The following BTK variants were observed in gnomAD, a reference collection of about 807,000 sequenced individuals.
The protein encoded by BTK is Bruton tyrosine kinase.
In BTK, 5 loss-of-function variants were observed where a neutral mutation model predicts 57.4. The ratio of observed to expected loss-of-function variants is 0.09; its 90% CI spans 0.05 to 0.18. The LOEUF is 0.18. Ranked by LOEUF, BTK falls within the 10% of genes least tolerant of loss-of-function variation. The pLI, the probability that BTK is intolerant of heterozygous loss-of-function variation, is 1.00. For missense variants in BTK, 194 were observed against 501.2 expected (o/e 0.39, Z 5.85); for synonymous variants, 154 against 174.3 (o/e 0.88, Z 0.92).
chrX:101,362,109 T>C, intron 7 of BTK, 64 bp downstream of exon 7: 1 of 1,076,938 alleles, frequency 9.3e-7, no homozygotes, highest in Non-Finnish European at 1.3e-6. Context: ...GACTCTAGTG[T>C]GTTCTTAGGG....
intron 18 of BTK, among the ~76,000 whole-genome samples, chrX:101,351,700 G>T (rs782225052): frequency 5.7e-4 from 64 of 111,614 alleles, no homozygotes; most frequent in African/African-American, 1.9e-3. Flanking sequence ...AAGAACTCGA[G>T]GTAAGAGGAG....
rs1555978875 is a variant in BTK at position 101,362,602 on chromosome X, T to C, written c.479A>G (p.Lys160Arg). ...GQYLCCSQTAKNAMGCQILEN... is the reference protein window; with the variant it reads ...GQYLCCSQTARNAMGCQILEN... ...CAAAATTTGGCAGCCCATAGCATTT[T>C]TGGCTGTCTGAGAGCAGCAGAGATA... The change falls in exon 6 of 19, where the codon AAA (lysine) becomes AGA (arginine). Residue 160 changes from lysine to arginine, a missense_variant. Around this residue, in one of 3 missense-constraint regions of BTK, gnomAD observed 115 missense variants for 258.3 expected, o/e 0.45. Coordinates refer to ENST00000308731, the MANE Select transcript of BTK (RefSeq NM_000061.3). The C allele has an allele frequency of 8.2e-7, 1 of 1,212,218 alleles. No individual in the cohort carries two copies. The highest frequency in any genetic ancestry group is 1.1e-6 in the Non-Finnish European group (1 of 895,590).
In BTK at chrX:101,364,067, T is replaced by A. The variant is rs368277100; in HGVS notation, c.392-1378A>T. 6.5e-5 allele frequency among the ~76,000 whole-genome samples: 7 copies of A among 107,760 alleles called. No individual in the cohort carries two copies. The East Asian group carries it at 1.5e-3, about 22-fold the overall frequency. 93.6% of individuals were successfully genotyped at this position (107,760 alleles called of 115,157 possible). A position where few individuals can be genotyped will look rare whatever the true frequency, so the allele number is the denominator to read the frequency against. On this transcript the variant is annotated intron_variant, in intron 5 of 18. Transcript: ENST00000308731. ...CACCAGGTCCAGTGGCTGGCATAACTTTTTTTAAAAAAGACAAAAACAAAA... is the reference window on the plus strand; with the variant it reads ...CACCAGGTCCAGTGGCTGGCATAACATTTTTTAAAAAAGACAAAAACAAAA...
At chrX:101,366,401 T>A (rs1353418803) in intron 5 of BTK, among the ~76,000 whole-genome samples, 1 of 112,307 alleles carries the variant, frequency 8.9e-6, no homozygotes, top group African/African-American at 3.2e-5. Flanking sequence ...CAGCACCTCA[T>A]GCCTCTTCAG....
At chrX:101,353,029 G>T (rs929691135) in intron 18 of BTK, 165 bp downstream of exon 18, 5 of 498,829 alleles carry the variant, frequency 1.0e-5, no homozygotes, top group Non-Finnish European at 1.6e-5. Flanking sequence ...TCGCGCCACT[G>T]TACTCCAACC....
chrX:101,358,904 G>A (rs1249652030), intron 10 of BTK, among the ~76,000 whole-genome samples: 1 of 111,749 alleles, frequency 8.9e-6, no homozygotes, highest in African/African-American at 3.3e-5. Context: ...TTGGGAGGCC[G>A]AGGTGGGCGG....
chrX:101,374,526 CTCT>C lies in BTK; in HGVS notation c.240+7_240+9del. On this transcript the variant is annotated splice_region_variant and intron_variant, in intron 3 of 18. Transcript: ENST00000308731. ...GCTGTTCCCCATCTCAGACATTGGT[CTCT>C]TCTTACCGGAATCTGTCTTTCTGGA... is the stretch of plus-strand genomic sequence containing the variant. 8.4e-7 allele frequency: 1 copy of C among 1,195,641 alleles called. No individual in the cohort carries two copies. Among genetic ancestry groups the C allele is most frequent in the Non-Finnish European group, 1.1e-6 (1 of 880,789 alleles).
chrX:101,362,866 C>T (rs782447161), intron 5 of BTK, 177 bp from the exon 6 acceptor site: 20 of 591,348 alleles, frequency 3.4e-5, no homozygotes, highest in African/African-American at 1.3e-4. Context: ...CTGACTGTGC[C>T]CTGGTCCCAG....
rs192090244 is a variant in BTK, at chrX:101,373,486, C to G, written c.240+1050G>C. Among the ~76,000 whole-genome samples the G allele has an allele frequency of 3.9e-3, 434 of 111,687 alleles. 2 individuals are homozygous for G. Among genetic ancestry groups the G allele is most frequent in the Middle Eastern group, 0.028 (6 of 212 alleles). ...TATCTATTGTCATGGGGAAAAGTTT[C>G]CCACATATCGTTACATTGAAAAAGT... is the stretch of plus-strand genomic sequence containing the variant. On this transcript the variant is annotated intron_variant, in intron 3 of 18. Coordinates refer to ENST00000308731, the MANE Select transcript of BTK (RefSeq NM_000061.3).
At chrX:101,371,599 G>A (rs371553988) in intron 4 of BTK, 34 bp downstream of exon 4, 423 of 1,150,836 alleles carry the variant, frequency 3.7e-4, no homozygotes, top group Non-Finnish European at 4.4e-4. Flanking sequence ...TGTTACAGGG[G>A]CCTTTCGAGA....
In BTK at chrX:101,350,223, G is replaced by T. The variant is rs144777879; in HGVS notation, c.1909-267C>A. Among the ~76,000 whole-genome samples the T allele has an allele frequency of 7.2e-3, 795 of 110,656 alleles. 5 individuals are homozygous for T. Among genetic ancestry groups the T allele is most frequent in the African/African-American group, 0.025 (753 of 30,489 alleles). ...ACAATCACACTGATCAAAATTGAGG[G>T]CAAGTTCATTATGTAACTGTATACA... On this transcript the variant is annotated intron_variant, in intron 18 of 18. Coordinates refer to ENST00000308731, the MANE Select transcript of BTK (RefSeq NM_000061.3).
chrX:101,370,908 CAAAGG>C (rs1246033019), intron 4 of BTK, among the ~76,000 whole-genome samples: 1 of 112,553 alleles, frequency 8.9e-6, no homozygotes, highest in Non-Finnish European at 1.9e-5. Context: ...ACCCCTCTTT[CAAAGG>C]TTTCGTAAAT....
intron 14 of BTK, chrX:101,356,522 C>A: frequency 2.2e-6 from 1 of 450,755 alleles, no homozygotes; most frequent in South Asian, 3.4e-5. Context: ...TAGAATATTT[C>A]TCTTGAAAGT....
chrX:101,385,210 A>C (rs947614578), intron 1 of BTK, among the ~76,000 whole-genome samples: 1 of 111,690 alleles, frequency 9.0e-6, no homozygotes, highest in Admixed American at 9.5e-5. Context: ...AGGGTCTGGT[A>C]ATCAACAGAA....
intron 15 of BTK, chrX:101,355,817 G>A (rs955479026): frequency 2.3e-6 from 1 of 435,465 alleles, no homozygotes; most frequent in East Asian, 3.9e-5. Context: ...GGGTGGTAGG[G>A]GGTTGGGAGT....
intron 1 of BTK, among the ~76,000 whole-genome samples, chrX:101,382,031 C>CAA (rs576652772): frequency 9.2e-5 from 5 of 54,538 alleles, no homozygotes; most frequent in Middle Eastern, 0.01. Flanking sequence ...GACTCCGTCT[C>CAA]AAAAAAAAAA....
intron 17 of BTK, 28 bp from the exon 18 acceptor site, chrX:101,353,379 G>A (rs782493736): frequency 8.4e-7 from 1 of 1,197,526 alleles, no homozygotes; most frequent in Admixed American, 2.2e-5. Flanking sequence ...TTATTAAATT[G>A]GTTTGCAGTC....
chrX:101,357,685 G>C (rs1428135553), intron 12 of BTK, 102 bp from the exon 13 acceptor site: 1 of 691,774 alleles, frequency 1.4e-6, no homozygotes, highest in Non-Finnish European at 2.3e-6. Context: ...TATCTTTCTA[G>C]TACATTTTGA....
intron 5 of BTK, among the ~76,000 whole-genome samples, chrX:101,367,331 T>C (rs188685980): frequency 1.1e-4 from 12 of 109,373 alleles, no homozygotes; most frequent in Admixed American, 3.9e-4. Context: ...TTAAATATAG[T>C]GGACATTCAA....
Sources: gnomAD v4.1 joint callset for allele counts (sites outside exome capture counted in the v4.1 genomes callset) on GRCh38, gnomAD v4.1.1 for gene constraint, gnomAD v4.1.1 regional missense constraint, MANE v1.5 for transcripts, NCBI Gene and HGNC (gene_info 2026-07-23, HGNC 2026-07-21) for gene names.